The following AXL variants were observed in gnomAD, a reference collection of about 807,000 sequenced individuals.
AXL encodes the protein tyrosine-protein kinase receptor UFO.
AXL carries 52 observed loss-of-function variants against 104.5 expected under a neutral mutation model. The observed-to-expected ratio is 0.50, with a 90% CI of 0.40 to 0.63. The LOEUF is 0.63. AXL is among the 20% of genes least tolerant of loss of function. The pLI is 0.00. For synonymous variants in AXL, 455 were observed against 473.7 expected (o/e 0.96, Z 0.51); for missense variants, 1,024 against 1,188.5 (o/e 0.86, Z 2.04).
chr19:41,220,001 C>T (rs993151326), intron 1 of AXL, among the ~76,000 whole-genome samples: 2 of 151,936 alleles, frequency 1.3e-5, no homozygotes, highest in Admixed American at 6.6e-5. Flanking sequence ...TCCAGCTCTG[C>T]TATCTCTGTG....
rs745425946 is a variant in AXL at position 41,238,538 on chromosome 19, G to C, written c.1063G>C (p.Glu355Gln). ...NGSQAFVHWQEPRAPLQGTLL... is the reference protein window; with the variant it reads ...NGSQAFVHWQQPRAPLQGTLL... ...GAGCCAGGCCTTCGTGCATTGGCAA[G>C]AGCCCCGGGCGCCCCTGCAGGGTAC... The change falls in exon 8 of 20, where the codon GAG (glutamate) becomes CAG (glutamine). Residue 355 changes from glutamate to glutamine, a missense_variant. Glu to Gln is a conservative substitution (Grantham distance 29). This residue lies in a region of AXL where 332 missense variants were observed against 343.9 expected (regional missense o/e 0.97). Transcript: ENST00000301178. The C allele has an allele frequency of 1.4e-5, 22 of 1,613,958 alleles. No homozygotes were observed. The highest frequency in any genetic ancestry group is 3.3e-4 in the Middle Eastern group (2 of 6,064).
chr19:41,245,487 G>C (rs1202036218), intron 12 of AXL, among the ~76,000 whole-genome samples: 1 of 152,098 alleles, frequency 6.6e-6, no homozygotes, highest in Non-Finnish European at 1.5e-5. Flanking sequence ...ACTTTGGGAG[G>C]CCCAGGCGGG....
At chr19:41,227,431 T>C (rs1327103941) in intron 4 of AXL, among the ~76,000 whole-genome samples, 2 of 152,030 alleles carry the variant, frequency 1.3e-5, no homozygotes, top group African/African-American at 4.8e-5. Context: ...GGAAGCACTT[T>C]AAGGCTTCTC....
In AXL at chr19:41,239,264, C is replaced by G. The variant is rs2122238145; in HGVS notation, c.1235C>G (p.Ala412Gly). ...GTGTGTGTGGCAGCCTACACTGCTG[C>G]TGGGGATGGACCCTGGAGCCTCCCA... Reference protein sequence around the residue: ...LTVCVAAYTAAGDGPWSLPVP... With the variant: ...LTVCVAAYTAGGDGPWSLPVP... The change falls in exon 9 of 20, where the codon GCT becomes GGT. Residue 412 changes from alanine to glycine, a missense_variant. Transcript: ENST00000301178. The G allele has an allele frequency of 6.2e-7, 1 of 1,609,134 alleles. No homozygotes were observed. The highest frequency in any genetic ancestry group is 1.7e-5 in the Admixed American group (1 of 59,430).
chr19:41,225,242 TGATCCACC>T (rs2033858665), intron 4 of AXL, among the ~76,000 whole-genome samples: 1 of 152,230 alleles, frequency 6.6e-6, no homozygotes, highest in Non-Finnish European at 1.5e-5. Context: ...TGACCTCAAG[TGATCCACC>T]GGCCTCGGCC....
chr19:41,239,552 C>T, intron 9 of AXL, 142 bp from the exon 10 acceptor site: 1 of 1,208,170 alleles, frequency 8.3e-7, no homozygotes, highest in Admixed American at 1.7e-5. Flanking sequence ...ACCCTCACTC[C>T]CTTACCCGTG....
chr19:41,236,356 G>T (rs1478023705), intron 6 of AXL, among the ~76,000 whole-genome samples: 1 of 136,652 alleles, frequency 7.3e-6, no homozygotes, highest in Non-Finnish European at 1.6e-5. Flanking sequence ...AAAAAAATTA[G>T]TCAAGCATGG....
chr19:41,255,267 A>G (rs2122285743), intron 17 of AXL, among the ~76,000 whole-genome samples: 1 of 152,234 alleles, frequency 6.6e-6, no homozygotes, highest in Middle Eastern at 3.4e-3. Context: ...ATTCCATCAT[A>G]TGAATGTCCT....
intron 6 of AXL, among the ~76,000 whole-genome samples, chr19:41,235,178 C>G (rs2034056932): frequency 6.6e-6 from 1 of 151,978 alleles, no homozygotes. Flanking sequence ...ATGGAGTAAC[C>G]CTGTCTCTAC....
rs368622580 is a variant in AXL, at chr19:41,238,256, C to T, written c.994+102C>T. The T allele has an allele frequency of 2.8e-6, 4 of 1,453,192 alleles. No individual in the cohort carries two copies. The African/African-American group carries it at 5.6e-5, about 20-fold the overall frequency. 90.0% of individuals were successfully genotyped at this position (1,453,192 alleles called of 1,614,324 possible). ...CCTTTCACTCCTTTACCCCTCATGG[C>T]CTCAATCTCCTTCCCATCCAATCTC... is the stretch of plus-strand genomic sequence containing the variant. On this transcript the variant is annotated intron_variant, in intron 7 of 19. Coordinates refer to ENST00000301178, the MANE Select transcript of AXL (RefSeq NM_021913.5).
intron 6 of AXL, among the ~76,000 whole-genome samples, chr19:41,233,051 G>A (rs976056529): frequency 3.3e-5 from 5 of 151,574 alleles, no homozygotes; most frequent in African/African-American, 4.9e-5. Context: ...GTGCTGTGGC[G>A]TGATCACGGC....
chr19:41,250,406 G>A (rs984083132), intron 14 of AXL, among the ~76,000 whole-genome samples: 1 of 152,094 alleles, frequency 6.6e-6, no homozygotes, highest in African/African-American at 2.4e-5. Flanking sequence ...TCATTATGGA[G>A]CACCTCCTGT....
chr19:41,220,286 C>A, intron 1 of AXL: 2 of 228,724 alleles, frequency 8.7e-6, no homozygotes, highest in Non-Finnish European at 1.7e-5. Flanking sequence ...ACCCCTGATT[C>A]TTCCCCTCCA....
At chr19:41,239,785 C>A in intron 10 of AXL, 65 bp downstream of exon 10, 1 of 1,571,280 alleles carries the variant, frequency 6.4e-7, no homozygotes, top group South Asian at 1.1e-5. Context: ...GCACTGTCAC[C>A]ATGCATACTC....
rs2122299699 is a variant in AXL, at chr19:41,259,875, G to A, written c.2656G>A (p.Ala886Thr). Reference sequence around the variant, plus strand: ...TCAGCCTGCTGATAGGGGCTCCCCAGCAGCCCCAGGGCAGGAGGATGGTGC... The same window carrying A: ...TCAGCCTGCTGATAGGGGCTCCCCAACAGCCCCAGGGCAGGAGGATGGTGC... ...PAQPADRGSPAAPGQEDGA is the reference protein window; with the variant it reads ...PAQPADRGSPTAPGQEDGA Residue 886 changes from alanine to threonine, a missense_variant, in exon 20 of 20, where the codon GCA (alanine) becomes ACA (threonine). Physicochemically the swap from Ala to Thr is moderately conservative, Grantham distance 58. Coordinates refer to ENST00000301178, the MANE Select transcript of AXL (RefSeq NM_021913.5). The A allele has an allele frequency of 1.3e-6, 2 of 1,597,264 alleles. No homozygotes were observed. The highest frequency in any genetic ancestry group is 1.7e-6 in the Non-Finnish European group (2 of 1,169,788).
At chr19:41,239,659 T>C (rs1180414135) in intron 9 of AXL, 35 bp from the exon 10 acceptor site, 1 of 1,614,060 alleles carries the variant, frequency 6.2e-7, no homozygotes. Flanking sequence ...TTGTCCTCTC[T>C]GAGCACATCT....
intron 14 of AXL, among the ~76,000 whole-genome samples, chr19:41,250,744 G>A (rs1471997026): frequency 1.3e-5 from 2 of 151,962 alleles, no homozygotes; most frequent in African/African-American, 2.4e-5. Flanking sequence ...CCCAGCCTAC[G>A]TTTTTTGTTT....
chr19:41,220,837 G>A lies in AXL; in HGVS notation c.287G>A (p.Trp96Ter), dbSNP rs763716654. Residue 96 changes from tryptophan (W) to a stop codon, truncating the protein, a stop_gained, in exon 2 of 20, where the codon TGG (tryptophan) becomes TAG (stop). Coordinates refer to ENST00000301178, the MANE Select transcript of AXL (RefSeq NM_021913.5). LOFTEE classifies it high-confidence loss of function. ...CTGGGTGAGGATGAACAGGATGACT[G>A]GATAGTGGTCAGCCAGCTCAGGTGT... Reference protein sequence around the residue: ...VPLGEDEQDDWIVVSQLRITS... With the variant: ...VPLGEDEQDD 1 of 1,614,060 alleles carries A rather than the reference G, an allele frequency of 6.2e-7. No homozygotes were observed. The highest frequency in any genetic ancestry group is 8.5e-7 in the Non-Finnish European group (1 of 1,179,994).
At chr19:41,220,514 C>T in intron 1 of AXL, 122 bp from the exon 2 acceptor site, 1 of 794,340 alleles carries the variant, frequency 1.3e-6, no homozygotes, top group Non-Finnish European at 2.0e-6. Flanking sequence ...CACTCTGCAA[C>T]TATGTCGGCC....
Sources: gnomAD v4.1 joint callset for allele counts (sites outside exome capture counted in the v4.1 genomes callset) on GRCh38, gnomAD v4.1.1 for gene constraint, gnomAD v4.1.1 regional missense constraint, MANE v1.5 for transcripts, NCBI Gene and HGNC (gene_info 2026-07-23, HGNC 2026-07-21) for gene names.